Variants in CACNA1D observed in about 807,000 individuals in gnomAD.
CACNA1D encodes the protein calcium voltage-gated channel subunit alpha1 D.
CACNA1D carries 55 observed loss-of-function variants against 257.1 expected under a neutral mutation model. That is an observed-to-expected ratio of 0.21 (90% CI 0.17 to 0.27). The LOEUF (loss-of-function observed/expected upper bound fraction) is 0.27, where lower values mean the gene tolerates loss of function less well. Ranked by LOEUF, CACNA1D falls within the 10% of genes least tolerant of loss-of-function variation. The probability of loss-of-function intolerance (pLI) is 1.00; values close to 1 mark genes in which losing one functional copy is unlikely to be tolerated. For missense variants in CACNA1D, 1,876 were observed against 2,784.0 expected, an observed-to-expected ratio of 0.67 and a Z score of 7.34; for synonymous variants, 980 against 1,014.9, an observed-to-expected ratio of 0.97 and a Z score of 0.65.
At chr3:53,616,068 T>G (rs2093633126) in intron 3 of CACNA1D, among the ~76,000 whole-genome samples, 1 of 152,214 alleles carries the variant, frequency 6.6e-6, no homozygotes, top group African/African-American at 2.4e-5. Context: ...TGATGATCCT[T>G]GGGAAACTTT....
At chr3:53,679,824 G>A (rs1165104636) in intron 8 of CACNA1D, 1 of 152,202 alleles carries the variant, frequency 6.6e-6, no homozygotes, top group African/African-American at 2.4e-5. Flanking sequence ...GTAATATTGT[G>A]AATGGAGTTG....
At chr3:53,726,795 A>T (rs2094939340) in intron 14 of CACNA1D, 84 bp from the exon 15 acceptor site, 2 of 1,577,828 alleles carry the variant, frequency 1.3e-6, no homozygotes, top group African/African-American at 2.7e-5. Context: ...CTTAAACCAG[A>T]TCTAGGCAGC....
At chr3:53,783,780 C>G (rs1184688425) in intron 39 of CACNA1D, among the ~76,000 whole-genome samples, 2 of 152,188 alleles carry the variant, frequency 1.3e-5, no homozygotes, top group African/African-American at 4.8e-5. Context: ...GGCCCATGTC[C>G]CCAACCTTTC....
At chr3:53,654,237 T>C (rs532842462) in intron 4 of CACNA1D, among the ~76,000 whole-genome samples, 1 of 152,296 alleles carries the variant, frequency 6.6e-6, no homozygotes, top group South Asian at 2.1e-4. Flanking sequence ...AGAAAGTGGC[T>C]CTACACAAAA....
intron 7 of CACNA1D, among the ~76,000 whole-genome samples, chr3:53,671,679 G>A (rs1478108919): frequency 6.6e-6 from 1 of 152,150 alleles, no homozygotes; most frequent in African/African-American, 2.4e-5. Flanking sequence ...CCAAACAGGT[G>A]TTTCATAAGG....
In CACNA1D at chr3:53,811,475, A is replaced by T; in HGVS notation, c.*69A>T. 1 of 1,347,738 alleles carries T rather than the reference A, an allele frequency of 7.4e-7. No homozygotes were observed. Among genetic ancestry groups the T allele is most frequent in the Non-Finnish European group, 1.0e-6 (1 of 1,000,322 alleles). The allele number at this position is 1,347,738 out of a possible 1,614,324, so 83.5% of individuals were successfully genotyped here. A position where few individuals can be genotyped will look rare whatever the true frequency, so the allele number is the denominator to read the frequency against. ...AGGAGAGCCAGGGGAAAAGTGCCTC[A>T]TAGTTAGGAAAGTTTAGGCACTAGT... On this transcript the variant is annotated 3_prime_UTR_variant, in exon 48 of 48. Transcript: ENST00000350061. This position sits in a 1 kb window ranked among gnomAD's most constrained non-coding sequence, Gnocchi z 4.2.
chr3:53,684,424 C>G (rs971044574), intron 8 of CACNA1D, among the ~76,000 whole-genome samples: 1 of 152,056 alleles, frequency 6.6e-6, no homozygotes, highest in African/African-American at 2.4e-5. Flanking sequence ...GAGTTTGAGA[C>G]TAGCCTGACC....
chr3:53,768,828 C>T (rs910097400), intron 30 of CACNA1D, among the ~76,000 whole-genome samples: 9 of 152,204 alleles, frequency 5.9e-5, no homozygotes, highest in African/African-American at 1.4e-4. Context: ...TACCTTTCCC[C>T]AGATCCCCAG....
chr3:53,740,104 A>G (rs1482340567), intron 20 of CACNA1D, among the ~76,000 whole-genome samples, 176 bp from the exon 21 acceptor site: 1 of 152,228 alleles, frequency 6.6e-6, no homozygotes, highest in Non-Finnish European at 1.5e-5. Context: ...CTCTTTGGGA[A>G]TGATGTAATT....
chr3:53,681,495 A>G (rs1261203981), intron 8 of CACNA1D, among the ~76,000 whole-genome samples: 1 of 152,058 alleles, frequency 6.6e-6, no homozygotes, highest in Non-Finnish European at 1.5e-5. Context: ...TTCAGTTCCT[A>G]CACAGTGGTA....
intron 29 of CACNA1D, among the ~76,000 whole-genome samples, chr3:53,759,783 G>A (rs2095289906): frequency 6.6e-6 from 1 of 152,222 alleles, no homozygotes; most frequent in African/African-American, 2.4e-5. Context: ...TGGCTTTCTT[G>A]TTAGGAGACT....
At chr3:53,536,512 A>C (rs1040521576) in intron 3 of CACNA1D, among the ~76,000 whole-genome samples, 7 of 152,268 alleles carry the variant, frequency 4.6e-5, no homozygotes, top group Admixed American at 4.6e-4. Context: ...TATAGTCCAG[A>C]TGGTATCTCC....
rs571884470 is a variant in CACNA1D, at chr3:53,635,502, G to A, written c.484-15277G>A. On this transcript the variant is annotated intron_variant, in intron 3 of 47. Coordinates refer to ENST00000350061, the MANE Select transcript of CACNA1D (RefSeq NM_001128840.3). ...AGATGGGTGGGTTATGAGTTAGTTT[G>A]CTGGGCATCTTCCCTTTTTTCTCTG... is the stretch of plus-strand genomic sequence containing the variant. 6.6e-5 allele frequency among the ~76,000 whole-genome samples: 10 copies of A among 152,318 alleles called. No individual in the cohort carries two copies. The South Asian group carries it at 2.1e-3, about 32-fold the overall frequency.
intron 4 of CACNA1D, among the ~76,000 whole-genome samples, chr3:53,655,177 C>T (rs1204603538): frequency 6.6e-6 from 1 of 152,148 alleles, no homozygotes; most frequent in Non-Finnish European, 1.5e-5. Flanking sequence ...CATAGTATTC[C>T]TTGGTGTATG....
intron 32 of CACNA1D, among the ~76,000 whole-genome samples, chr3:53,771,674 G>GA (rs1380865793): frequency 6.6e-6 from 1 of 152,234 alleles, no homozygotes; most frequent in East Asian, 1.9e-4. Context: ...TATAAAAATA[G>GA]ATAATTCAGA....
At chr3:53,795,123 G>T (rs1264161450) in intron 40 of CACNA1D, among the ~76,000 whole-genome samples, 4 of 152,222 alleles carry the variant, frequency 2.6e-5, no homozygotes, top group Admixed American at 6.5e-5. Context: ...TGATCTGCAG[G>T]TGTGATGGTC....
chr3:53,524,887 ATCT>A (rs1354859824), intron 3 of CACNA1D, among the ~76,000 whole-genome samples: 1 of 152,164 alleles, frequency 6.6e-6, no homozygotes, highest in African/African-American at 2.4e-5. Context: ...GGATTTTCAA[ATCT>A]TCTGAGAAGC....
intron 3 of CACNA1D, among the ~76,000 whole-genome samples, chr3:53,527,886 T>C (rs1203439958): frequency 6.6e-6 from 1 of 152,252 alleles, no homozygotes; most frequent in Non-Finnish European, 1.5e-5. Flanking sequence ...AAAAGCATTG[T>C]ACATGATCTG....
chr3:53,770,353 T>C, intron 31 of CACNA1D, 71 bp from the exon 32 acceptor site: 1 of 1,419,696 alleles, frequency 7.0e-7, no homozygotes. Flanking sequence ...TTTGCATCTG[T>C]TGCTGTTTTT....
Sources: gnomAD v4.1 joint callset for allele counts (sites outside exome capture counted in the v4.1 genomes callset) on GRCh38, gnomAD v4.1.1 for gene constraint, Gnocchi (gnomAD v3.1) non-coding constraint, MANE v1.5 for transcripts, NCBI Gene and HGNC (gene_info 2026-07-23, HGNC 2026-07-21) for gene names.